The following METTL13 variants were observed in gnomAD, a reference collection of about 807,000 sequenced individuals.
METTL13 encodes the protein eEF1A lysine and N-terminal methyltransferase.
A neutral mutation model predicts 67.4 loss-of-function variants in METTL13; 52 were observed. That is an observed-to-expected ratio of 0.77 (90% confidence interval 0.62 to 0.97). The LOEUF is 0.97. Among genes scored for constraint, METTL13 ranks in the 50% least tolerant of loss-of-function variants. METTL13 has a pLI of 0.00. For missense variants in METTL13, 825 were observed against 889.6 expected, an observed-to-expected ratio of 0.93 and a Z score of 0.92; for synonymous variants, 354 against 353.6, an observed-to-expected ratio of 1.00 and a Z score of -0.01.
At chr1:171,794,762 G>A (rs1211535249) in intron 7 of METTL13, among the ~76,000 whole-genome samples, 1 of 151,846 alleles carries the variant, frequency 6.6e-6, no homozygotes. Flanking sequence ...TGTCCACCCA[G>A]CTTAATTTTG....
chr1:171,795,693 T>A (rs1405363330), intron 7 of METTL13, among the ~76,000 whole-genome samples: 1 of 152,162 alleles, frequency 6.6e-6, no homozygotes, highest in Non-Finnish European at 1.5e-5. Flanking sequence ...CCTCTAGGTA[T>A]TTTTGATTTG....
At chr1:171,788,729 C>A (rs1333251565) in intron 4 of METTL13, among the ~76,000 whole-genome samples, 1 of 152,288 alleles carries the variant, frequency 6.6e-6, no homozygotes, top group East Asian at 1.9e-4. Context: ...AGTGAATGCC[C>A]CTCACCTCTC....
At position 171,781,721 on chromosome 1, in the gene METTL13, T is replaced by TG; in HGVS notation, c.-243dup. ...GGAAAAGTGTGAGGGGCTCTTCACG[T>TG]GGGGAAGGAACAGCAGGCGCGGAGG... On this transcript the variant is annotated 5_prime_UTR_variant, in exon 1 of 8. Transcript: ENST00000361735. 1 of 1,250,640 alleles carries TG rather than the reference T, an allele frequency of 8.0e-7. No homozygotes were observed. Among genetic ancestry groups the TG allele is most frequent in the African/African-American group, 1.5e-5 (1 of 65,236 alleles). 77.5% of individuals were successfully genotyped at this position (1,250,640 alleles called of 1,614,324 possible). A position where few individuals can be genotyped will look rare whatever the true frequency, so the allele number is the denominator to read the frequency against.
chr1:171,781,681 C>A lies in METTL13; in HGVS notation c.-287C>A. 2 of 958,210 alleles carry A rather than the reference C, an allele frequency of 2.1e-6. No homozygotes were observed. Among genetic ancestry groups the A allele is most frequent in the Non-Finnish European group, 2.7e-6 (2 of 740,868 alleles). 59.4% of individuals were successfully genotyped at this position (958,210 alleles called of 1,614,324 possible). A position where few individuals can be genotyped will look rare whatever the true frequency, so the allele number is the denominator to read the frequency against. On this transcript the variant is annotated 5_prime_UTR_variant, in exon 1 of 8. It introduces an in-frame stop codon into an upstream open reading frame of the 5' UTR. Transcript: ENST00000361735. ...TCGCACCCGGATATGGTTATGGGCTCGGAAATCTAGTTCGGGAAAAGTGTG... is the reference window on the plus strand; with the variant it reads ...TCGCACCCGGATATGGTTATGGGCTAGGAAATCTAGTTCGGGAAAAGTGTG...
chr1:171,792,930 C>T (rs999657790), intron 6 of METTL13, among the ~76,000 whole-genome samples: 4 of 152,164 alleles, frequency 2.6e-5, no homozygotes, highest in Non-Finnish European at 5.9e-5. Context: ...TCCATTTGCT[C>T]TAGTAATTTG....
In METTL13 at chr1:171,787,990, TG is replaced by T. The variant is rs1418504424; in HGVS notation, c.1309+63del. ...TGGCCGTGGCATGGACTAGATTTCT[TG>T]GGAGCTTGGCCGAGATGTAGGATGG... On this transcript the variant is annotated intron_variant, in intron 4 of 7. Transcript: ENST00000361735. 8 of 1,568,700 alleles carry T rather than the reference TG, an allele frequency of 5.1e-6. No homozygotes were observed. In the African/African-American group the frequency reaches 1.1e-4, roughly 21 times the overall value.
rs183644319 is a variant in METTL13 at position 171,785,081 on chromosome 1, A to G, written c.913+582A>G. Among the ~76,000 whole-genome samples the G allele has an allele frequency of 1.6e-3, 239 of 152,288 alleles. 1 individual carries two copies. Among genetic ancestry groups the G allele is most frequent in the African/African-American group, 5.5e-3 (229 of 41,556 alleles). ...AGGTTACTTTTCTTTCTCTGCCTTG[A>G]TGGGATTGTAACTCTGGTGTAGTTG... On this transcript the variant is annotated intron_variant, in intron 2 of 7. Coordinates refer to ENST00000361735, the MANE Select transcript of METTL13 (RefSeq NM_015935.5).
chr1:171,784,298 A>G lies in METTL13; in HGVS notation c.712A>G (p.Ser238Gly), dbSNP rs1656930438. 3.1e-6 allele frequency: 5 copies of G among 1,610,014 alleles called. No homozygotes were observed. Among genetic ancestry groups the G allele is most frequent in the Admixed American group, 1.7e-5 (1 of 59,798 alleles). The change falls in exon 2 of 8, where the codon AGT (serine) becomes GGT (glycine). Residue 238 changes from serine (S) to glycine (G), a missense_variant. Ser to Gly is a moderately conservative substitution (Grantham distance 56). Transcript: ENST00000361735. ...QEQRKPVRLESAERLAEAVQE... is the reference protein window; with the variant it reads ...QEQRKPVRLEGAERLAEAVQE... ...GCAGCGCAAGCCTGTGCGGCTGGAGAGTGCCGAGCGGCTGGCCGAGGCGGT... is the reference window on the plus strand; with the variant it reads ...GCAGCGCAAGCCTGTGCGGCTGGAGGGTGCCGAGCGGCTGGCCGAGGCGGT...
rs754730986 is a variant in METTL13, at chr1:171,783,865, C to T, written c.279C>T (p.Thr93=). The change falls in exon 2 of 8, where the codon ACC becomes ACT. Residue 93 remains threonine (T), a synonymous_variant. Coordinates refer to ENST00000361735, the MANE Select transcript of METTL13 (RefSeq NM_015935.5). The part of the protein sequence containing the change: ...VIKQMKECNA[T]RRPQMSFLKM... ...AGCAAATGAAGGAATGTAATGCCAC[C>T]CGACGGCCCCAGATGAGCTTCTTGA... The T allele has an allele frequency of 6.2e-7, 1 of 1,614,180 alleles. No individual in the cohort carries two copies.
At chr1:171,794,617 T>C in intron 7 of METTL13, 90 bp downstream of exon 7, 1 of 1,558,668 alleles carries the variant, frequency 6.4e-7, no homozygotes, top group Non-Finnish European at 8.7e-7. Flanking sequence ...AAGTGCGAGC[T>C]CGATCAATTT....
rs760963545 is a variant in METTL13, at chr1:171,796,707, A to C, written c.2051A>C (p.Asp684Ala). 5 of 1,614,184 alleles carry C rather than the reference A, an allele frequency of 3.1e-6. No homozygotes were observed. The Admixed American group carries it at 8.3e-5, about 27-fold the overall frequency. The change falls in exon 8 of 8, where the codon GAT becomes GCT. Residue 684 changes from aspartate (D) to alanine (A), a missense_variant. By Grantham distance (126) the Asp-to-Ala change is moderately radical. Transcript: ENST00000361735. ...RTLRKPGRGW[D>A]DTYVLSDMLK... The stretch of plus-strand genomic sequence containing the variant: ...CTGAGGAAGCCTGGGAGGGGTTGGG[A>C]TGACACGTATGTCTTGTCAGATATG...
At chr1:171,787,159 G>A (rs1018355011) in intron 3 of METTL13, among the ~76,000 whole-genome samples, 6 of 152,038 alleles carry the variant, frequency 3.9e-5, no homozygotes, top group African/African-American at 1.2e-4. Flanking sequence ...AGATATTGGT[G>A]ATTATTAACT....
chr1:171,782,148 G>T (rs1169735518), intron 1 of METTL13, 28 bp downstream of exon 1: 1 of 1,596,778 alleles, frequency 6.3e-7, no homozygotes, highest in African/African-American at 1.3e-5. Context: ...GTAGCCCTTC[G>T]TACGTGCTCC....
At position 171,787,595 on chromosome 1, in the gene METTL13, A is replaced by G. The variant is rs77976517; in HGVS notation, c.1114-140A>G. ...TCAAAGGCTCCAGAAAAGTACTTTA[A>G]TAGAATGGCAAATCTGTGGAGTAGT... is the stretch of plus-strand genomic sequence containing the variant. On this transcript the variant is annotated intron_variant, in intron 3 of 7. Transcript: ENST00000361735. 688 of 728,390 alleles carry G rather than the reference A, an allele frequency of 9.4e-4. 3 individuals are homozygous for G. The African/African-American group carries it at 0.01, about 11-fold the overall frequency. The allele number at this position is 728,390 out of a possible 1,614,324, so 45.1% of individuals were successfully genotyped here. A position where few individuals can be genotyped will look rare whatever the true frequency, so the allele number is the denominator to read the frequency against.
At chr1:171,793,589 AT>A (rs1341070894) in intron 6 of METTL13, among the ~76,000 whole-genome samples, 3 of 152,250 alleles carry the variant, frequency 2.0e-5, no homozygotes, top group Non-Finnish European at 4.4e-5. Context: ...ATACTTATTA[AT>A]TATTGAATAA....
Position 171,784,466 on chromosome 1 carries a change from C to G in METTL13, c.880C>G (p.Pro294Ala). The G allele has an allele frequency of 6.6e-7, 1 of 1,507,808 alleles. No individual in the cohort carries two copies. The highest frequency in any genetic ancestry group is 8.9e-7 in the Non-Finnish European group (1 of 1,129,232). The allele number at this position is 1,507,808 out of a possible 1,614,324, so 93.4% of individuals were successfully genotyped here. A position where few individuals can be genotyped will look rare whatever the true frequency, so the allele number is the denominator to read the frequency against. ...LHVVDSPTVK[P>A]SRDNHFAIFI... ...CGTGGTGGACAGCCCCACTGTGAAA[C>G]CATCGCGGGACAATCATTTTGCGAT... Residue 294 changes from proline to alanine, a missense_variant, in exon 2 of 8, where the codon CCA (proline) becomes GCA (alanine). By Grantham distance (27) the Pro-to-Ala change is conservative. Transcript: ENST00000361735.
At position 171,796,946 on chromosome 1, in the gene METTL13, T is replaced by C. The variant is rs2029863113; in HGVS notation, c.*190T>C. On this transcript the variant is annotated 3_prime_UTR_variant, in exon 8 of 8. Coordinates refer to ENST00000361735, the MANE Select transcript of METTL13 (RefSeq NM_015935.5). ...GAAAATAAAAATGTCCTTCCCATCT[T>C]GTCCTCTTCAGTACCACTTGGGTTG... 9.8e-6 allele frequency: 7 copies of C among 713,892 alleles called. No homozygotes were observed. Among genetic ancestry groups the C allele is most frequent in the Non-Finnish European group, 1.6e-5 (7 of 449,928 alleles). 44.2% of individuals were successfully genotyped at this position (713,892 alleles called of 1,614,324 possible). A position where few individuals can be genotyped will look rare whatever the true frequency, so the allele number is the denominator to read the frequency against.
At chr1:171,795,464 A>C (rs1310244617) in intron 7 of METTL13, among the ~76,000 whole-genome samples, 2 of 152,222 alleles carry the variant, frequency 1.3e-5, no homozygotes, top group East Asian at 3.9e-4. Context: ...TGGTTGTAGC[A>C]GTTCACACTC....
Position 171,796,419 on chromosome 1 carries a change from G to T in METTL13, c.1826-63G>T, listed in dbSNP as rs548762178. 3 of 1,582,056 alleles carry T rather than the reference G, an allele frequency of 1.9e-6. No individual in the cohort carries two copies. In the East Asian group the frequency reaches 6.7e-5, roughly 35 times the overall value. On this transcript the variant is annotated intron_variant, in intron 7 of 7. Coordinates refer to ENST00000361735, the MANE Select transcript of METTL13 (RefSeq NM_015935.5). ...AGGAATTGGTATTTTCCTCAAAGCC[G>T]ATCCTTGTCTTTCATATGTCTCCTG...
Sources: gnomAD v4.1 joint callset for allele counts (sites outside exome capture counted in the v4.1 genomes callset) on GRCh38, gnomAD v4.1.1 for gene constraint, MANE v1.5 for transcripts, NCBI Gene and HGNC (gene_info 2026-07-23, HGNC 2026-07-21) for gene names.